Variants in HDAC9 observed in about 807,000 individuals in gnomAD.
HDAC9 encodes the protein MEF-2 interacting transcription repressor (MITR) protein.
Under a neutral mutation model 139.4 loss-of-function variants are expected in HDAC9, and 41 were observed. The observed-to-expected ratio is 0.29, with a 90% confidence interval of 0.23 to 0.38. The LOEUF is 0.38. Among genes scored for constraint, HDAC9 ranks in the 10% least tolerant of loss-of-function variants. The pLI is 1.00. For missense variants in HDAC9, 1,147 were observed against 1,297.0 expected, an observed-to-expected ratio of 0.88 and a Z score of 1.78; for synonymous variants, 517 against 476.2, an observed-to-expected ratio of 1.09 and a Z score of -1.12.
intron 23 of HDAC9, chr7:18,949,352 T>C (rs1021246834): frequency 3.8e-6 from 1 of 259,752 alleles, no homozygotes; most frequent in Non-Finnish European, 7.5e-6. Flanking sequence ...CCAGATATAC[T>C]TAAGAGCTTT....
chr7:18,490,685 A>G (rs1796299301), intron 1 of HDAC9, among the ~76,000 whole-genome samples: 1 of 152,040 alleles, frequency 6.6e-6, no homozygotes, highest in South Asian at 2.1e-4. Context: ...TTGAGTTGGA[A>G]CAAAAATTAG....
chr7:18,809,968 T>G (rs1478591810), intron 17 of HDAC9, among the ~76,000 whole-genome samples: 1 of 151,986 alleles, frequency 6.6e-6, no homozygotes, highest in Non-Finnish European at 1.5e-5. Flanking sequence ...GGAAAAAACC[T>G]AAATGTGCAT....
At chr7:18,455,295 G>A (rs927351812) in intron 1 of HDAC9, among the ~76,000 whole-genome samples, 5 of 151,972 alleles carry the variant, frequency 3.3e-5, no homozygotes, top group African/African-American at 1.2e-4. Flanking sequence ...AAAAAGTTAA[G>A]TCAAACCCAA....
intron 2 of HDAC9, among the ~76,000 whole-genome samples, chr7:18,190,175 C>T (rs1184097564): frequency 1.3e-5 from 2 of 152,152 alleles, no homozygotes; most frequent in African/African-American, 4.8e-5. Context: ...AAACTCCTGA[C>T]CTCAGTTGTC....
At chr7:18,645,690 T>A (rs1787155388) in intron 9 of HDAC9, among the ~76,000 whole-genome samples, 1 of 152,144 alleles carries the variant, frequency 6.6e-6, no homozygotes, top group African/African-American at 2.4e-5. Flanking sequence ...CTCTGAAATG[T>A]TAGTTAATTA....
At chr7:18,741,421 C>G (rs902563777) in intron 13 of HDAC9, among the ~76,000 whole-genome samples, 1 of 152,138 alleles carries the variant, frequency 6.6e-6, no homozygotes, top group Non-Finnish European at 1.5e-5. Context: ...GCCTGGGTGA[C>G]AGCATATCCG....
intron 2 of HDAC9, among the ~76,000 whole-genome samples, chr7:18,207,461 T>G (rs1174189408): frequency 1.3e-5 from 2 of 150,762 alleles, no homozygotes; most frequent in Non-Finnish European, 3.0e-5. Flanking sequence ...GGATGGAGTG[T>G]AGTGGTGCAA....
chr7:18,299,350 T>C (rs1287711871), intron 1 of HDAC9, among the ~76,000 whole-genome samples: 1 of 152,030 alleles, frequency 6.6e-6, no homozygotes, highest in Non-Finnish European at 1.5e-5. Context: ...CTTTGGGTAA[T>C]GTATTGGAGA....
rs181974160 is a variant in HDAC9, at chr7:18,396,939, A to G, written c.-41-99323A>G. Among the ~76,000 whole-genome samples, 161 of 152,084 alleles carry G rather than the reference A, an allele frequency of 1.1e-3. 1 individual carries two copies. The highest frequency in any genetic ancestry group is 3.7e-3 in the African/African-American group (153 of 41,496). ...TTTGTTCATTTCTTTTTGACTTACA[A>G]TGTAATACCTTCTCTCCCAATACCG... On this transcript the variant is annotated intron_variant, in intron 1 of 3. Transcript: ENST00000413509.
At chr7:18,716,647 T>C (rs1784721477) in intron 12 of HDAC9, among the ~76,000 whole-genome samples, 1 of 152,190 alleles carries the variant, frequency 6.6e-6, no homozygotes, top group Admixed American at 6.5e-5. Context: ...ATATTCTGTA[T>C]ATAGGTAGTA....
chr7:18,372,711 A>G (rs1784688830), intron 1 of HDAC9, among the ~76,000 whole-genome samples: 1 of 152,172 alleles, frequency 6.6e-6, no homozygotes, highest in South Asian at 2.1e-4. Context: ...GTGATCTACC[A>G]GGGTTGACAG....
intron 22 of HDAC9, among the ~76,000 whole-genome samples, chr7:18,915,505 A>G (rs1160991924): frequency 1.3e-5 from 2 of 152,010 alleles, no homozygotes; most frequent in Admixed American, 1.3e-4. Flanking sequence ...GGAAAAAATT[A>G]CAAAAAATTA....
At chr7:18,172,558 G>T (rs192866014) in intron 2 of HDAC9, among the ~76,000 whole-genome samples, 1 of 152,100 alleles carries the variant, frequency 6.6e-6, no homozygotes. Flanking sequence ...GTTGATTTTA[G>T]ATCTTTCTTG....
intron 11 of HDAC9, among the ~76,000 whole-genome samples, chr7:18,652,197 A>G (rs1220631098): frequency 1.3e-5 from 2 of 152,110 alleles, no homozygotes; most frequent in East Asian, 3.9e-4. Flanking sequence ...CTTTTCAAAA[A>G]ATCAAGAGTT....
rs183996380 is a variant in HDAC9, at chr7:18,211,462, G to A, written c.25+49113G>A. Among the ~76,000 whole-genome samples the A allele has an allele frequency of 6.6e-5, 10 of 152,260 alleles. No homozygotes were observed. The East Asian group carries it at 1.2e-3, about 18-fold the overall frequency. ...TTTTGTCCTTGCATGTGAAAATGAC[G>A]TGCTTCTGTAGAAGTCTATATACTC... On this transcript the variant is annotated intron_variant, in intron 2 of 12. Transcript: ENST00000417496.
chr7:18,734,375 C>T (rs1786686282), intron 13 of HDAC9, among the ~76,000 whole-genome samples: 2 of 152,110 alleles, frequency 1.3e-5, no homozygotes. Context: ...GCTACCCCTC[C>T]CCCAGCCCTC....
chr7:18,825,672 G>A (rs1291592862), intron 17 of HDAC9, among the ~76,000 whole-genome samples: 1 of 150,586 alleles, frequency 6.6e-6, no homozygotes, highest in Non-Finnish European at 1.5e-5. Context: ...GAGCTGGAGG[G>A]ATTGATGGGA....
At chr7:18,817,323 C>G (rs867966149) in intron 17 of HDAC9, among the ~76,000 whole-genome samples, 1 of 151,964 alleles carries the variant, frequency 6.6e-6, no homozygotes, top group East Asian at 1.9e-4. Context: ...CGTGAGCCAC[C>G]GCGCCCGGCC....
intron 6 of HDAC9, 24 bp from the exon 7 acceptor site, chr7:18,629,322 ATTTT>A: frequency 4.8e-6 from 6 of 1,259,646 alleles, no homozygotes; most frequent in South Asian, 1.5e-5. Flanking sequence ...ATTTTTATCT[ATTTT>A]TTTTTTTTTG....
Sources: allele counts gnomAD v4.1 joint callset (sites outside exome capture counted in the v4.1 genomes callset), GRCh38; gene constraint gnomAD v4.1.1; transcripts MANE v1.5; gene names NCBI Gene and HGNC (gene_info 2026-07-23, HGNC 2026-07-21).